Variants in CHRM3 observed in about 807,000 individuals in gnomAD.
CHRM3 encodes cholinergic receptor muscarinic 3.
A neutral mutation model predicts 41.8 loss-of-function variants in CHRM3; 11 were observed. The ratio of observed to expected loss-of-function variants is 0.26; its 90% confidence interval spans 0.17 to 0.44. CHRM3 has a LOEUF of 0.44. Among genes scored for constraint, CHRM3 ranks in the 20% least tolerant of loss-of-function variants. The probability of loss-of-function intolerance (pLI) is 1.00; values close to 1 mark genes in which losing one functional copy is unlikely to be tolerated. For missense variants in CHRM3, 571 were observed against 745.4 expected (o/e 0.77, Z 2.72); for synonymous variants, 297 against 301.4 (o/e 0.99, Z 0.15).
chr1:239,529,634 AAC>A (rs796272613), intron 2 of CHRM3, among the ~76,000 whole-genome samples: 4 of 45,640 alleles, frequency 8.8e-5, no homozygotes, highest in Non-Finnish European at 2.1e-4. Context: ...AAAAAAAACA[AAC>A]AAACAACAAC....
At chr1:239,821,771 G>A (rs992529576) in intron 5 of CHRM3, among the ~76,000 whole-genome samples, 7 of 152,178 alleles carry the variant, frequency 4.6e-5, no homozygotes, top group African/African-American at 1.7e-4. Context: ...TGGTTTGGCT[G>A]TGTCCCCACC....
rs1225451639 is a variant in CHRM3, at chr1:239,408,527, A to AAAAAC, written c.-521+21304_-521+21305insCAAAA. On this transcript the variant is annotated intron_variant, in intron 1 of 6. Coordinates refer to ENST00000676153, the MANE Select transcript of CHRM3 (RefSeq NM_001375978.1). ...CAACAGAGAGAGACTCCGTCAAAAA[A>AAAAAC]AAAAAAAAAAAAAAAAACTCTCTCC... Among the ~76,000 whole-genome samples, 42 of 149,102 alleles carry AAAAAC rather than the reference A, an allele frequency of 2.8e-4. 1 individual carries two copies. Among genetic ancestry groups the AAAAAC allele is most frequent in the African/African-American group, 9.8e-4 (39 of 39,996 alleles).
chr1:239,464,785 C>G (rs561011327), intron 1 of CHRM3, among the ~76,000 whole-genome samples: 1 of 152,216 alleles, frequency 6.6e-6, no homozygotes, highest in Admixed American at 6.5e-5. Context: ...GCCAAGCCAC[C>G]CCATAAAAAG....
chr1:239,502,414 C>G (rs1336570801), intron 2 of CHRM3, among the ~76,000 whole-genome samples: 4 of 152,036 alleles, frequency 2.6e-5, no homozygotes, highest in Admixed American at 2.6e-4. Flanking sequence ...AGACCAATAA[C>G]AAGCAGTGAG....
Position 239,907,608 on chromosome 1 carries a change from G to C in CHRM3, c.157G>C (p.Asp53His). 1.9e-6 allele frequency: 3 copies of C among 1,614,130 alleles called. No individual in the cohort carries two copies. The highest frequency in any genetic ancestry group is 2.5e-6 in the Non-Finnish European group (3 of 1,180,036). ...AGCAGCTGGCAATTTCTCCTCTCCAGACGGTACCACCGATGACCCTCTGGG... is the reference window on the plus strand; with the variant it reads ...AGCAGCTGGCAATTTCTCCTCTCCACACGGTACCACCGATGACCCTCTGGG... The part of the protein sequence containing the change: ...SRAAGNFSSP[D>H]GTTDDPLGGH... Residue 53 changes from aspartate (D) to histidine (H), a missense_variant, in exon 7 of 7, where the codon GAC becomes CAC. Around this residue, in one of 5 missense-constraint regions of CHRM3, gnomAD observed 92 missense variants for 76.1 expected, o/e 1.21. Transcript: ENST00000676153. This position sits in a 1 kb window ranked among gnomAD's most constrained non-coding sequence, Gnocchi z 5.4.
At chr1:239,768,483 A>G (rs1244056787) in intron 5 of CHRM3, among the ~76,000 whole-genome samples, 1 of 44,230 alleles carries the variant, frequency 2.3e-5, no homozygotes, top group Non-Finnish European at 5.1e-5. Flanking sequence ...AAAGCCCAAC[A>G]TGGTGAAAAT....
intron 3 of CHRM3, among the ~76,000 whole-genome samples, chr1:239,601,809 G>A (rs1393481645): frequency 6.6e-6 from 1 of 151,824 alleles, no homozygotes; most frequent in Admixed American, 6.6e-5. Context: ...CTGTTTCTGT[G>A]CTTTTTATAT....
chr1:239,476,511 T>G (rs1381181766), intron 1 of CHRM3, among the ~76,000 whole-genome samples: 1 of 151,974 alleles, frequency 6.6e-6, no homozygotes, highest in Non-Finnish European at 1.5e-5. Flanking sequence ...TAAAACCTTC[T>G]TAGTAACAAA....
chr1:239,895,083 C>G (rs149775740), intron 6 of CHRM3, among the ~76,000 whole-genome samples: 44 of 152,312 alleles, frequency 2.9e-4, no homozygotes, highest in African/African-American at 9.6e-4. Flanking sequence ...TGGATTGTGT[C>G]CATGACCAGA....
rs1433997280 is a variant in CHRM3 at position 239,387,074 on chromosome 1, AG to A, written c.-671del. ...TCTGGGAAGACGGGCGATGAACTGA[AG>A]GGCGGCTCCGGGCAGGGGGGCACGA... On this transcript the variant is annotated 5_prime_UTR_variant, in exon 1 of 7. Transcript: ENST00000676153. The surrounding 1 kb of genome is among the most constrained non-coding windows in gnomAD (Gnocchi z 5.1). The A allele has an allele frequency of 6.6e-6, 1 of 152,194 alleles. No homozygotes were observed. The highest frequency in any genetic ancestry group is 1.5e-5 in the Non-Finnish European group (1 of 68,126). The allele number at this position is 152,194 out of a possible 1,614,324, so 9.4% of individuals were successfully genotyped here.
At chr1:239,635,497 C>T (rs1324992767) in intron 4 of CHRM3, among the ~76,000 whole-genome samples, 1 of 152,210 alleles carries the variant, frequency 6.6e-6, no homozygotes, top group East Asian at 1.9e-4. Context: ...TTGTTTACTA[C>T]TTGACCCTTC....
In CHRM3 at chr1:239,452,807, A is replaced by AT. The variant is rs1413396142; in HGVS notation, c.-520-39900dup. On this transcript the variant is annotated intron_variant, in intron 1 of 6. Coordinates refer to ENST00000676153, the MANE Select transcript of CHRM3 (RefSeq NM_001375978.1). ...TTTTACTTATTTATTTTATTTTCTT[A>AT]TTATTTTTTTTGAGACGGAGTCTTA... Among the ~76,000 whole-genome samples the AT allele has an allele frequency of 2.6e-5, 4 of 151,936 alleles. No individual in the cohort carries two copies. In the East Asian group the frequency reaches 5.8e-4, roughly 22 times the overall value.
chr1:239,658,743 C>CTT (rs537997550), intron 4 of CHRM3, among the ~76,000 whole-genome samples: 5 of 145,722 alleles, frequency 3.4e-5, no homozygotes, highest in South Asian at 2.2e-4. Context: ...ATTTTATTGA[C>CTT]TTTTTTTTTT....
chr1:239,810,961 T>A lies in CHRM3; in HGVS notation c.-146-16291T>A, dbSNP rs563312512. On this transcript the variant is annotated intron_variant, in intron 5 of 6. Transcript: ENST00000676153. ...ACGGCTTCCAAAGAAATCCTTGGAA[T>A]CGCCATAAGTTTTGTCTCTAAAAGC... is the stretch of plus-strand genomic sequence containing the variant. Among the ~76,000 whole-genome samples, 3 of 152,346 alleles carry A rather than the reference T, an allele frequency of 2.0e-5. No homozygotes were observed. The South Asian group carries it at 6.2e-4, about 32-fold the overall frequency.
intron 5 of CHRM3, among the ~76,000 whole-genome samples, chr1:239,778,764 C>T (rs533385168): frequency 6.6e-6 from 1 of 152,328 alleles, no homozygotes; most frequent in African/African-American, 2.4e-5. Flanking sequence ...TACCCACACA[C>T]AATCCTGTAA....
At chr1:239,721,482 G>A (rs1196569554) in intron 5 of CHRM3, among the ~76,000 whole-genome samples, 1 of 151,930 alleles carries the variant, frequency 6.6e-6, no homozygotes, top group Non-Finnish European at 1.5e-5. Context: ...ATCATAATAA[G>A]AAGTATGTAT....
At chr1:239,500,834 AAC>A (rs1485215534) in intron 2 of CHRM3, among the ~76,000 whole-genome samples, 2 of 152,178 alleles carry the variant, frequency 1.3e-5, no homozygotes, top group East Asian at 3.8e-4. Flanking sequence ...AAGATACAGA[AAC>A]ACAGAATGGA....
rs190535566 is a variant in CHRM3, at chr1:239,868,567, T to C, written c.-19-38866T>C. ...TAAGCTGTTTCTCTCACCCAGAGCT[T>C]CAAGCCCATCCGCCAGCCCTGGCTA... On this transcript the variant is annotated intron_variant, in intron 6 of 6. Transcript: ENST00000676153. Among the ~76,000 whole-genome samples the C allele has an allele frequency of 4.2e-3, 633 of 152,272 alleles. 6 individuals carry two copies. Among genetic ancestry groups the C allele is most frequent in the Non-Finnish European group, 5.0e-3 (343 of 68,030 alleles).
At chr1:239,471,385 C>T (rs1031740286) in intron 1 of CHRM3, among the ~76,000 whole-genome samples, 1 of 152,122 alleles carries the variant, frequency 6.6e-6, no homozygotes, top group Non-Finnish European at 1.5e-5. Flanking sequence ...TTATATGTTA[C>T]TAGTAGAAGC....
Sources: allele counts gnomAD v4.1 joint callset (sites outside exome capture counted in the v4.1 genomes callset), GRCh38; gene constraint gnomAD v4.1.1; regional missense constraint gnomAD v4.1.1; non-coding constraint Gnocchi (gnomAD v3.1); transcripts MANE v1.5; gene names NCBI Gene and HGNC (gene_info 2026-07-23, HGNC 2026-07-21).